The following GRID2 variants were observed in gnomAD, a reference collection of about 807,000 sequenced individuals.
GRID2 encodes the protein glutamate receptor ionotropic, delta-2.
Under a neutral mutation model 114.8 loss-of-function variants are expected in GRID2, and 33 were observed. The observed-to-expected ratio is 0.29, with a 90% confidence interval of 0.22 to 0.38. GRID2 has a LOEUF of 0.38. GRID2 is among the 10% of genes least tolerant of loss of function. The probability of loss-of-function intolerance (pLI) is 1.00; values close to 1 mark genes in which losing one functional copy is unlikely to be tolerated. For missense variants in GRID2, 1,184 were observed against 1,257.7 expected, an observed-to-expected ratio of 0.94 and a Z score of 0.89; for synonymous variants, 505 against 449.9, an observed-to-expected ratio of 1.12 and a Z score of -1.55.
chr4:93,320,892 C>T (rs908209451), intron 8 of GRID2, among the ~76,000 whole-genome samples: 2 of 151,490 alleles, frequency 1.3e-5, no homozygotes, highest in African/African-American at 4.9e-5. Flanking sequence ...GTTTGATTTC[C>T]CTAGAAGCAG....
chr4:92,872,198 G>A (rs982449954), intron 2 of GRID2, among the ~76,000 whole-genome samples: 3 of 152,104 alleles, frequency 2.0e-5, no homozygotes. Context: ...AAATGAAAAT[G>A]TATGCCAAAC....
intron 2 of GRID2, among the ~76,000 whole-genome samples, chr4:92,682,406 T>C (rs1355358692): frequency 1.3e-5 from 2 of 152,184 alleles, no homozygotes; most frequent in East Asian, 3.9e-4. Flanking sequence ...GGGAATTTGG[T>C]AAGCCCAGAG....
intron 3 of GRID2, among the ~76,000 whole-genome samples, chr4:93,099,316 A>G (rs1450107311): frequency 6.6e-6 from 1 of 151,878 alleles, no homozygotes; most frequent in Non-Finnish European, 1.5e-5. Flanking sequence ...ACCCTTTGAA[A>G]GTTTAGTTTA....
chr4:93,490,859 T>G, intron 12 of GRID2, 82 bp downstream of exon 12: 1 of 910,462 alleles, frequency 1.1e-6, no homozygotes, highest in Non-Finnish European at 1.7e-6. Flanking sequence ...AAGTATGTGG[T>G]GTCTCATAAT....
chr4:92,321,778 T>C (rs765419563), intron 1 of GRID2, among the ~76,000 whole-genome samples: 2 of 152,154 alleles, frequency 1.3e-5, no homozygotes, highest in Non-Finnish European at 2.9e-5. Flanking sequence ...GTCATTTTTA[T>C]AAACAGTCAG....
chr4:93,446,956 A>ACAT (rs574648984), intron 10 of GRID2, among the ~76,000 whole-genome samples: 38 of 151,756 alleles, frequency 2.5e-4, no homozygotes, highest in Non-Finnish European at 5.2e-4. Context: ...AATTGATAAT[A>ACAT]CATCATGTGC....
intron 13 of GRID2, among the ~76,000 whole-genome samples, chr4:93,587,584 A>C (rs1164366312): frequency 6.6e-6 from 1 of 152,030 alleles, no homozygotes; most frequent in Admixed American, 6.6e-5. Context: ...AAATCTATCC[A>C]TGGCCTCATT....
At chr4:93,361,470 T>C (rs181031851) in intron 8 of GRID2, among the ~76,000 whole-genome samples, 2 of 145,086 alleles carry the variant, frequency 1.4e-5, no homozygotes, top group African/African-American at 2.6e-5. Flanking sequence ...TTACTGTGAT[T>C]ATTATTATTA....
At chr4:92,861,633 G>T (rs1479268970) in intron 2 of GRID2, among the ~76,000 whole-genome samples, 1 of 151,990 alleles carries the variant, frequency 6.6e-6, no homozygotes, top group African/African-American at 2.4e-5. Flanking sequence ...TCAGGGACTG[G>T]TCTGGCTTGG....
At chr4:92,315,699 G>A (rs1725930266) in intron 1 of GRID2, among the ~76,000 whole-genome samples, 1 of 152,102 alleles carries the variant, frequency 6.6e-6, no homozygotes, top group Non-Finnish European at 1.5e-5. Context: ...GGCCATGCAC[G>A]GTGGCTCACG....
chr4:93,535,436 T>G (rs1456102871), intron 13 of GRID2, among the ~76,000 whole-genome samples: 1 of 152,094 alleles, frequency 6.6e-6, no homozygotes, highest in Non-Finnish European at 1.5e-5. Flanking sequence ...CTAACTCATA[T>G]GGTAGTTTCA....
chr4:93,049,518 C>T (rs1194492762), intron 2 of GRID2, among the ~76,000 whole-genome samples: 1 of 151,594 alleles, frequency 6.6e-6, no homozygotes, highest in South Asian at 2.1e-4. Flanking sequence ...TATCCCCCCC[C>T]CAAAAAAATT....
chr4:93,385,828 T>TA (rs1348365319), intron 8 of GRID2, among the ~76,000 whole-genome samples: 2 of 152,124 alleles, frequency 1.3e-5, no homozygotes, highest in Non-Finnish European at 2.9e-5. Flanking sequence ...CTAAGGTTTT[T>TA]AAAAAACTGA....
At chr4:92,455,918 G>A (rs987048550) in intron 1 of GRID2, among the ~76,000 whole-genome samples, 4 of 152,130 alleles carry the variant, frequency 2.6e-5, no homozygotes, top group Non-Finnish European at 4.4e-5. Flanking sequence ...AAGACAAACT[G>A]CTGCCACTTG....
intron 14 of GRID2, among the ~76,000 whole-genome samples, chr4:93,629,568 A>C (rs1357610040): frequency 6.6e-6 from 1 of 152,166 alleles, no homozygotes; most frequent in Non-Finnish European, 1.5e-5. Flanking sequence ...AAGATCATCA[A>C]ATTTAACCAT....
At chr4:93,230,111 A>G (rs925716102) in intron 7 of GRID2, among the ~76,000 whole-genome samples, 1 of 151,080 alleles carries the variant, frequency 6.6e-6, no homozygotes, top group Admixed American at 6.6e-5. Context: ...TTTTCATTCT[A>G]TTTATTTCTA....
rs571924898 is a variant in GRID2, at chr4:93,033,242, T to C, written c.245-51753T>C. Among the ~76,000 whole-genome samples, 7 of 152,312 alleles carry C rather than the reference T, an allele frequency of 4.6e-5. No individual in the cohort carries two copies. In the South Asian group the frequency reaches 1.2e-3, roughly 27 times the overall value. ...CAGGGTTATCCCAAAACTACCCTCA[T>C]GTTTGGTGATTTGCTAGAAGGACTC... On this transcript the variant is annotated intron_variant, in intron 2 of 15. Transcript: ENST00000282020.
chr4:92,473,324 G>A (rs1722133694), intron 1 of GRID2, among the ~76,000 whole-genome samples: 1 of 151,984 alleles, frequency 6.6e-6, no homozygotes. Context: ...GTGGCTTTTT[G>A]TAGCTTCTGT....
chr4:92,649,827 A>C (rs954660589), intron 2 of GRID2, among the ~76,000 whole-genome samples: 3 of 152,048 alleles, frequency 2.0e-5, no homozygotes, highest in Admixed American at 2.0e-4. Context: ...TAGGATGTGA[A>C]ATTAACAATA....
Sources: allele counts gnomAD v4.1 joint callset (sites outside exome capture counted in the v4.1 genomes callset), GRCh38; gene constraint gnomAD v4.1.1; transcripts MANE v1.5; gene names NCBI Gene and HGNC (gene_info 2026-07-23, HGNC 2026-07-21).